OSBPL1A: variants seen among roughly 807,000 people sequenced by gnomAD.
OSBPL1A encodes the protein oxysterol binding protein like 1A.
OSBPL1A carries 80 observed loss-of-function variants against 137.1 expected under a neutral mutation model. The ratio of observed to expected loss-of-function variants is 0.58; its 90% CI spans 0.49 to 0.70. The LOEUF (loss-of-function observed/expected upper bound fraction) is 0.70. Among genes scored for constraint, OSBPL1A ranks in the 30% least tolerant of loss-of-function variants. The probability of loss-of-function intolerance (pLI) is 0.00; values close to 1 mark genes in which losing one functional copy is unlikely to be tolerated. For synonymous variants in OSBPL1A, 365 were observed against 389.7 expected, an observed-to-expected ratio of 0.94 and a Z score of 0.75; for missense variants, 970 against 1,129.4, an observed-to-expected ratio of 0.86 and a Z score of 2.02.
At chr18:24,218,589 A>G (rs901431666) in intron 17 of OSBPL1A, among the ~76,000 whole-genome samples, 4 of 152,128 alleles carry the variant, frequency 2.6e-5, no homozygotes, top group Admixed American at 1.3e-4. Flanking sequence ...GATTACAGGC[A>G]TGCACTACTG....
chr18:24,238,900 A>G lies in OSBPL1A; in HGVS notation c.1444+320T>C, dbSNP rs540038293. Among the ~76,000 whole-genome samples, 3 of 152,304 alleles carry G rather than the reference A, an allele frequency of 2.0e-5. No homozygotes were observed. In the East Asian group the frequency reaches 5.8e-4, roughly 29 times the overall value. On this transcript the variant is annotated intron_variant, in intron 16 of 27. Transcript: ENST00000319481. ...TCTGTCTCTCCTTACAATATGTGCT[A>G]ATGCCTGGCACTAGGAAATGGTCAC...
At chr18:24,256,881 A>C (rs1331529658) in intron 15 of OSBPL1A, among the ~76,000 whole-genome samples, 1 of 149,184 alleles carries the variant, frequency 6.7e-6, no homozygotes, top group Non-Finnish European at 1.5e-5. Flanking sequence ...AAAATTAAAT[A>C]CCTAGGAATT....
chr18:24,297,100 A>G (rs916424357), intron 14 of OSBPL1A, among the ~76,000 whole-genome samples: 2 of 152,156 alleles, frequency 1.3e-5, no homozygotes, highest in Non-Finnish European at 2.9e-5. Context: ...ATTCCAGTAG[A>G]ATTCAGCTGT....
chr18:24,322,299 T>G (rs2090878892), intron 7 of OSBPL1A, among the ~76,000 whole-genome samples: 1 of 151,402 alleles, frequency 6.6e-6, no homozygotes, highest in East Asian at 1.9e-4. Flanking sequence ...GTTTTTTTTT[T>G]TTTAGTAGAG....
Position 24,389,290 on chromosome 18 carries a change from G to A in OSBPL1A, c.-3+8365C>T, listed in dbSNP as rs537865882. ...GAAATAATTAGATGGAAAACATTTT[G>A]AGCTTCAAAAATCAGGAGATAAGAG... On this transcript the variant is annotated intron_variant, in intron 1 of 27. Coordinates refer to ENST00000319481, the MANE Select transcript of OSBPL1A (RefSeq NM_080597.4). 8.4e-4 allele frequency among the ~76,000 whole-genome samples: 128 copies of A among 152,230 alleles called. 1 individual carries two copies. Among genetic ancestry groups the A allele is most frequent in the African/African-American group, 3.0e-3 (126 of 41,538 alleles).
At chr18:24,324,603 TAAAAAAAA>T (rs71163674) in intron 7 of OSBPL1A, among the ~76,000 whole-genome samples, 13 of 5,652 alleles carry the variant, frequency 2.3e-3, no homozygotes, top group East Asian at 7.7e-3. Context: ...AATATGAATA[TAAAAAAAA>T]AAAAAAAAAA....
intron 16 of OSBPL1A, among the ~76,000 whole-genome samples, chr18:24,225,728 G>A (rs2088054696): frequency 6.6e-6 from 1 of 151,874 alleles, no homozygotes; most frequent in African/African-American, 2.4e-5. Flanking sequence ...ATGGGAGGCT[G>A]GGATGGGAGG....
At chr18:24,257,139 A>G (rs193243450) in intron 15 of OSBPL1A, among the ~76,000 whole-genome samples, 2 of 152,282 alleles carry the variant, frequency 1.3e-5, no homozygotes, top group Admixed American at 6.5e-5. Flanking sequence ...TTTAGAATTT[A>G]TGTGGAACCA....
At chr18:24,202,234 G>A (rs1313939413) in intron 17 of OSBPL1A, among the ~76,000 whole-genome samples, 1 of 152,162 alleles carries the variant, frequency 6.6e-6, no homozygotes, top group Non-Finnish European at 1.5e-5. Context: ...CTTGCAAGTC[G>A]AAGCTACACA....
intron 14 of OSBPL1A, among the ~76,000 whole-genome samples, chr18:24,297,624 A>G (rs2090317065): frequency 3.3e-5 from 5 of 152,182 alleles, no homozygotes; most frequent in African/African-American, 1.2e-4. Flanking sequence ...AGAAGTTTTT[A>G]ATTTCCATCT....
intron 17 of OSBPL1A, among the ~76,000 whole-genome samples, chr18:24,204,423 C>G (rs2087311473): frequency 6.6e-6 from 1 of 151,998 alleles, no homozygotes; most frequent in African/African-American, 2.4e-5. Flanking sequence ...AGCTATTAAT[C>G]TTTTGTCACC....
chr18:24,246,716 G>A (rs112238106), intron 15 of OSBPL1A, among the ~76,000 whole-genome samples: 41,293 of 150,708 alleles, frequency 0.27, 6,837 homozygotes, highest in Middle Eastern at 0.44. Flanking sequence ...ACTTGAACCC[G>A]GGAGGCGGAG....
At chr18:24,278,897 A>G (rs1327992033) in intron 15 of OSBPL1A, among the ~76,000 whole-genome samples, 1 of 152,222 alleles carries the variant, frequency 6.6e-6, no homozygotes. Context: ...TTTGCAAACC[A>G]CCAAAAATAG....
intron 4 of OSBPL1A, 54 bp from the exon 5 acceptor site, chr18:24,341,712 C>T (rs1183487845): frequency 2.5e-6 from 3 of 1,205,800 alleles, no homozygotes; most frequent in Admixed American, 2.0e-5. Context: ...TATTGCATTA[C>T]CACCCTTTTC....
At chr18:24,177,522 C>T (rs2086480607) in intron 21 of OSBPL1A, among the ~76,000 whole-genome samples, 1 of 152,112 alleles carries the variant, frequency 6.6e-6, no homozygotes, top group Non-Finnish European at 1.5e-5. Context: ...TAGTTGTAAT[C>T]AGTGTTAAAG....
At chr18:24,332,829 G>A in intron 7 of OSBPL1A, 113 bp downstream of exon 7, 1 of 1,291,132 alleles carries the variant, frequency 7.7e-7, no homozygotes, top group East Asian at 2.3e-5. Context: ...AAATTAAATA[G>A]AAACCATACA....
In OSBPL1A at chr18:24,267,368, C is replaced by T. The variant is rs2089605247; in HGVS notation, c.1281+13474G>A. Among the ~76,000 whole-genome samples the T allele has an allele frequency of 4.0e-5, 6 of 151,602 alleles. No individual in the cohort carries two copies. The South Asian group carries it at 1.2e-3, about 31-fold the overall frequency. On this transcript the variant is annotated intron_variant, in intron 15 of 27. Coordinates refer to ENST00000319481, the MANE Select transcript of OSBPL1A (RefSeq NM_080597.4). ...AAGAAAGTTCTAAATTTTCAAGGAA[C>T]AGACCATTTCAATTTTATACAAAAC...
intron 16 of OSBPL1A, among the ~76,000 whole-genome samples, chr18:24,227,790 G>GA (rs1173802731): frequency 1.3e-5 from 2 of 151,548 alleles, no homozygotes; most frequent in African/African-American, 2.4e-5. Flanking sequence ...TTTCACTTGA[G>GA]AAAAAAAATG....
rs375031597 is a variant in OSBPL1A at position 24,312,001 on chromosome 18, G to C, written c.1075C>G (p.Leu359Val). The C allele has an allele frequency of 1.1e-4, 179 of 1,614,060 alleles. 1 individual carries two copies. In the East Asian group the frequency reaches 2.7e-3, roughly 25 times the overall value. Residue 359 changes from leucine (L) to valine (V), a missense_variant, in exon 13 of 28, where the codon CTG (leucine) becomes GTG (valine). Physicochemically the swap from Leu to Val is conservative, Grantham distance 32. Transcript: ENST00000319481. ...EEEDTVSAAD[L>V]KKSLEKAQSC... is the part of the protein sequence containing the mutation. ...CTATTTACCTCTAATGATTTCTTCA[G>C]GTCTGCAGCAGAAACCGTATCTTCC...
Sources: allele counts gnomAD v4.1 joint callset (sites outside exome capture counted in the v4.1 genomes callset), GRCh38; gene constraint gnomAD v4.1.1; transcripts MANE v1.5; gene names NCBI Gene and HGNC (gene_info 2026-07-23, HGNC 2026-07-21).